PLSCR2: variants seen among roughly 807,000 people sequenced by gnomAD.
The protein encoded by PLSCR2 is PL scramblase 2.
PLSCR2 carries 18 observed loss-of-function variants against 25.3 expected under a neutral mutation model. That is an observed-to-expected ratio of 0.71 (90% CI 0.49 to 1.06). The LOEUF is 1.06. PLSCR2 is among the 50% of genes least tolerant of loss of function. The pLI, the probability that PLSCR2 is intolerant of heterozygous loss-of-function variation, is 0.00. For missense variants in PLSCR2, 243 were observed against 269.5 expected (o/e 0.90, Z 0.69); for synonymous variants, 88 against 87.3 (o/e 1.01, Z -0.04).
intron 2 of PLSCR2, among the ~76,000 whole-genome samples, chr3:146,414,460 TA>T (rs2108052773): frequency 6.6e-6 from 1 of 152,318 alleles, no homozygotes; most frequent in East Asian, 1.9e-4. Flanking sequence ...AACAATTTAG[TA>T]TAATTCAGCA....
downstream of PLSCR2, among the ~76,000 whole-genome samples, chr3:146,439,858 C>G (rs1035172759): frequency 5.3e-5 from 8 of 152,162 alleles, no homozygotes; most frequent in Admixed American, 6.5e-5. Context: ...CCTCTGATTT[C>G]TAGAATTTTC....
intron 1 of PLSCR2, among the ~76,000 whole-genome samples, chr3:146,474,406 G>A (rs2042217921): frequency 6.6e-6 from 1 of 152,042 alleles, no homozygotes; most frequent in South Asian, 2.1e-4. Flanking sequence ...GTTCTAACAT[G>A]TGGGTTAAAA....
chr3:146,473,303 C>CTTTTTTTTT (rs35755415), intron 1 of PLSCR2, among the ~76,000 whole-genome samples: 1 of 121,348 alleles, frequency 8.2e-6, no homozygotes, highest in African/African-American at 3.2e-5. Context: ...AAAGTACTAT[C>CTTTTTTTTT]TTTTTTTTTT....
intron 5 of PLSCR2, among the ~76,000 whole-genome samples, chr3:146,450,252 C>A (rs2040817259): frequency 1.3e-5 from 2 of 152,174 alleles, no homozygotes; most frequent in African/African-American, 4.8e-5. Context: ...TAAATAATGA[C>A]CTACATATAC....
At chr3:146,407,435 A>G (rs1178016742) in intron 2 of PLSCR2, among the ~76,000 whole-genome samples, 1 of 152,042 alleles carries the variant, frequency 6.6e-6, no homozygotes, top group Non-Finnish European at 1.5e-5. Context: ...GTGTGGTTTT[A>G]CTTCTGTAAA....
chr3:146,461,226 A>T (rs2041553601), upstream of PLSCR2, among the ~76,000 whole-genome samples: 1 of 152,226 alleles, frequency 6.6e-6, no homozygotes, highest in Non-Finnish European at 1.5e-5. Context: ...TAAATACTTA[A>T]TGCCACATAA....
intron 3 of PLSCR2, among the ~76,000 whole-genome samples, chr3:146,393,891 G>C (rs1370993649): frequency 1.3e-5 from 2 of 150,384 alleles, no homozygotes; most frequent in African/African-American, 2.4e-5. Flanking sequence ...CTTTACTAAT[G>C]TTCTGTCTCT....
At chr3:146,437,461 G>T (rs962084510), downstream of PLSCR2, among the ~76,000 whole-genome samples, 11 of 152,132 alleles carry the variant, frequency 7.2e-5, no homozygotes, top group Non-Finnish European at 1.2e-4. Context: ...CCTGTTATTG[G>T]TCTATTCAGG....
At chr3:146,455,852 CA>C (rs1253847632) in intron 3 of PLSCR2, among the ~76,000 whole-genome samples, 1 of 151,886 alleles carries the variant, frequency 6.6e-6, no homozygotes, top group Non-Finnish European at 1.5e-5. Flanking sequence ...AGGATGATTG[CA>C]AAAAATACTA....
downstream of PLSCR2, among the ~76,000 whole-genome samples, chr3:146,430,233 A>G (rs2039499715): frequency 6.6e-6 from 1 of 152,174 alleles, no homozygotes; most frequent in Non-Finnish European, 1.5e-5. Flanking sequence ...ACCCAGCCTC[A>G]GGTATTTTTT....
intron 2 of PLSCR2, among the ~76,000 whole-genome samples, chr3:146,403,091 T>C (rs2038533357): frequency 6.6e-6 from 1 of 152,136 alleles, no homozygotes; most frequent in African/African-American, 2.4e-5. Context: ...CAATTTCATA[T>C]GCATCCTTTC....
upstream of PLSCR2, chr3:146,461,834 T>C (rs2041593717): frequency 1.1e-6 from 1 of 934,174 alleles, no homozygotes; most frequent in Non-Finnish European, 1.7e-6. Context: ...TGATAATTAC[T>C]GGAGGAATTT....
intron 2 of PLSCR2, among the ~76,000 whole-genome samples, chr3:146,416,963 C>G (rs529508842): frequency 1.2e-4 from 19 of 152,282 alleles, no homozygotes; most frequent in African/African-American, 4.3e-4. Context: ...ATTTTACCTA[C>G]ACCAATCTTG....
chr3:146,401,089 G>C (rs1008958893), intron 2 of PLSCR2, among the ~76,000 whole-genome samples: 2 of 151,886 alleles, frequency 1.3e-5, no homozygotes, highest in African/African-American at 2.4e-5. Flanking sequence ...TTTACAATAG[G>C]CAGATTTCTT....
chr3:146,423,649 C>G (rs1008548786), intron 2 of PLSCR2, among the ~76,000 whole-genome samples: 28 of 151,750 alleles, frequency 1.8e-4, no homozygotes, highest in Admixed American at 1.8e-3. Context: ...AATCAGGTAC[C>G]CTTAAAATAG....
downstream of PLSCR2, among the ~76,000 whole-genome samples, chr3:146,431,136 A>G (rs4334615): frequency 0.57 from 86,589 of 151,918 alleles, 25,141 homozygotes; most frequent in South Asian, 0.74. Context: ...GGAGCAAAGA[A>G]GGGTTAGAGA....
At chr3:146,399,809 T>TTTCC (rs1007957591) in intron 2 of PLSCR2, among the ~76,000 whole-genome samples, 2 of 151,118 alleles carry the variant, frequency 1.3e-5, no homozygotes, top group African/African-American at 4.9e-5. Context: ...TCCTTCCTTC[T>TTTCC]TTCCTTCCTT....
downstream of PLSCR2, among the ~76,000 whole-genome samples, chr3:146,432,177 G>A (rs778247197): frequency 9.2e-5 from 14 of 152,164 alleles, no homozygotes; most frequent in Middle Eastern, 3.4e-3. Flanking sequence ...TGAACTTACC[G>A]TGTCCAATTT....
At chr3:146,411,224 G>C (rs1215610202) in intron 2 of PLSCR2, among the ~76,000 whole-genome samples, 1 of 152,104 alleles carries the variant, frequency 6.6e-6, no homozygotes, top group Non-Finnish European at 1.5e-5. Context: ...TAAATCAAGG[G>C]AGGGCCCCTG....
Sources: gnomAD v4.1 joint callset for allele counts (sites outside exome capture counted in the v4.1 genomes callset) on GRCh38, gnomAD v4.1.1 for gene constraint, MANE v1.5 for transcripts, NCBI Gene and HGNC (gene_info 2026-07-23, HGNC 2026-07-21) for gene names.